The following GALNT13 variants were observed in gnomAD, a reference collection of about 807,000 sequenced individuals.
GALNT13 encodes the protein UDP-GalNAc:polypeptide N-acetylgalactosaminyltransferase 13.
Under a neutral mutation model 64.2 loss-of-function variants are expected in GALNT13, and 28 were observed. The observed-to-expected ratio is 0.44, with a 90% CI of 0.32 to 0.60. The LOEUF is 0.60. Ranked by LOEUF, GALNT13 falls within the 20% of genes least tolerant of loss-of-function variation. The pLI is 0.05. For missense variants in GALNT13, 577 were observed against 669.8 expected, an observed-to-expected ratio of 0.86 and a Z score of 1.53; for synonymous variants, 214 against 224.6, an observed-to-expected ratio of 0.95 and a Z score of 0.42.
chr2:153,690,324 T>C, the GALNT13 span, among the ~76,000 whole-genome samples: 2 of 152,156 alleles, frequency 1.3e-5, no homozygotes, highest in Non-Finnish European at 2.9e-5. Flanking sequence ...GAGGATTTGA[T>C]GATGCTATCT....
intron 3 of GALNT13, among the ~76,000 whole-genome samples, chr2:154,091,588 C>T (rs553235072): frequency 2.0e-5 from 3 of 151,622 alleles, no homozygotes; most frequent in East Asian, 3.9e-4. Flanking sequence ...TAAATGTATG[C>T]CTTTGTTAGT....
intron 4 of GALNT13, among the ~76,000 whole-genome samples, chr2:154,170,779 A>G (rs1685304032): frequency 6.6e-6 from 1 of 152,210 alleles, no homozygotes; most frequent in Non-Finnish European, 1.5e-5. Context: ...GGCATTTTAT[A>G]TTGCCCCAAA....
At chr2:154,062,692 C>T (rs1700252397) in intron 3 of GALNT13, among the ~76,000 whole-genome samples, 1 of 152,186 alleles carries the variant, frequency 6.6e-6, no homozygotes, top group African/African-American at 2.4e-5. Context: ...AATCACCTCC[C>T]ACCAGGTCTG....
At chr2:154,024,918 A>G (rs1697832657) in intron 3 of GALNT13, among the ~76,000 whole-genome samples, 1 of 151,970 alleles carries the variant, frequency 6.6e-6, no homozygotes, top group Non-Finnish European at 1.5e-5. Flanking sequence ...AACAGACAGG[A>G]CCCTCAGCTG....
At chr2:153,787,558 T>G in the GALNT13 span, among the ~76,000 whole-genome samples, 1 of 152,138 alleles carries the variant, frequency 6.6e-6, no homozygotes, top group Non-Finnish European at 1.5e-5. Context: ...TCCAAACAAC[T>G]GCACTAGTTC....
At chr2:153,611,347 C>A in the GALNT13 span, among the ~76,000 whole-genome samples, 19 of 152,084 alleles carry the variant, frequency 1.2e-4, no homozygotes, top group African/African-American at 4.3e-4. Flanking sequence ...AGGCCCCTGC[C>A]CCCCCGTCCG....
At chr2:153,590,214 C>A in the GALNT13 span, among the ~76,000 whole-genome samples, 1 of 152,030 alleles carries the variant, frequency 6.6e-6, no homozygotes, top group Non-Finnish European at 1.5e-5. Flanking sequence ...AACATATATA[C>A]ACTTATAAAC....
the GALNT13 span, among the ~76,000 whole-genome samples, chr2:153,166,772 G>T: frequency 4.6e-5 from 7 of 152,148 alleles, no homozygotes; most frequent in East Asian, 1.2e-3. Flanking sequence ...TTGGCACATT[G>T]CCTGGCCTTC....
At chr2:153,483,475 G>A in the GALNT13 span, among the ~76,000 whole-genome samples, 1 of 143,524 alleles carries the variant, frequency 7.0e-6, no homozygotes, top group South Asian at 2.2e-4. Context: ...GGAGTGCAAT[G>A]GCGCAATCTC....
the GALNT13 span, among the ~76,000 whole-genome samples, chr2:153,629,972 G>A: frequency 9.5e-5 from 14 of 146,742 alleles, no homozygotes; most frequent in African/African-American, 3.1e-4. Context: ...CAGTTAGAAT[G>A]GCAATCATTA....
chr2:153,644,725 A>T, the GALNT13 span, among the ~76,000 whole-genome samples: 1 of 151,996 alleles, frequency 6.6e-6, no homozygotes, highest in Non-Finnish European at 1.5e-5. Context: ...AATTCCTACT[A>T]CGTTGGAATT....
chr2:154,452,386 C>T lies in GALNT13; in HGVS notation c.*1835C>T, dbSNP rs707085. ...CTCATGTAAAATTCCCATTTTTCATCTTTACACTCCTTTTCTCCCCTCATT... is the reference window on the plus strand; with the variant it reads ...CTCATGTAAAATTCCCATTTTTCATTTTTACACTCCTTTTCTCCCCTCATT... On this transcript the variant is annotated 3_prime_UTR_variant, in exon 13 of 13. Coordinates refer to ENST00000392825, the MANE Select transcript of GALNT13 (RefSeq NM_052917.4). 74,697 of 151,688 alleles carry T rather than the reference C, an allele frequency of 0.49. 18,642 individuals are homozygous for T. The highest frequency in any genetic ancestry group is 0.59 in the African/African-American group (24,505 of 41,350). The allele number at this position is 151,688 out of a possible 1,614,324, so 9.4% of individuals were successfully genotyped here. A position where few individuals can be genotyped will look rare whatever the true frequency, so the allele number is the denominator to read the frequency against.
At chr2:153,298,006 C>A in the GALNT13 span, among the ~76,000 whole-genome samples, 1 of 152,142 alleles carries the variant, frequency 6.6e-6, no homozygotes, top group African/African-American at 2.4e-5. Flanking sequence ...CTAAACTAGG[C>A]TGGTTCTGAG....
chr2:154,367,319 C>G (rs1460443712), intron 9 of GALNT13, among the ~76,000 whole-genome samples: 2 of 151,888 alleles, frequency 1.3e-5, no homozygotes, highest in African/African-American at 4.8e-5. Context: ...GAAATGAAAA[C>G]AAAGAAAAAT....
At chr2:153,719,982 C>T in the GALNT13 span, among the ~76,000 whole-genome samples, 2 of 152,012 alleles carry the variant, frequency 1.3e-5, no homozygotes, top group East Asian at 3.9e-4. Flanking sequence ...GCCTGCCTGC[C>T]TCTATAGGCT....
chr2:153,487,459 T>G, the GALNT13 span, among the ~76,000 whole-genome samples: 3 of 152,248 alleles, frequency 2.0e-5, no homozygotes, highest in African/African-American at 7.2e-5. Flanking sequence ...TTAGTGTATT[T>G]ATCCAGGAAA....
At chr2:153,201,692 C>G in the GALNT13 span, 1 of 152,118 alleles carries the variant, frequency 6.6e-6, no homozygotes, top group Non-Finnish European at 1.5e-5. Flanking sequence ...TATTTTATAA[C>G]TTACATTGTA....
chr2:154,407,060 G>A (rs1699579572), intron 10 of GALNT13, among the ~76,000 whole-genome samples: 1 of 152,110 alleles, frequency 6.6e-6, no homozygotes, highest in African/African-American at 2.4e-5. Context: ...CAGTACCACT[G>A]TCAGAGTATG....
chr2:154,249,331 A>G (rs904391452), intron 7 of GALNT13, among the ~76,000 whole-genome samples: 1 of 152,190 alleles, frequency 6.6e-6, no homozygotes, highest in Non-Finnish European at 1.5e-5. Context: ...ACTGTCTGGC[A>G]CTGGCCACAG....
Sources: allele counts gnomAD v4.1 joint callset (sites outside exome capture counted in the v4.1 genomes callset), GRCh38; gene constraint gnomAD v4.1.1; transcripts MANE v1.5; gene names NCBI Gene and HGNC (gene_info 2026-07-23, HGNC 2026-07-21).